Variants in SV2C observed in about 807,000 individuals in gnomAD.
The protein encoded by SV2C is synaptic vesicle glycoprotein 2C.
In SV2C, 49 loss-of-function variants were observed where a neutral mutation model predicts 79.7. That is an observed-to-expected ratio of 0.61 (90% CI 0.49 to 0.78). The LOEUF (loss-of-function observed/expected upper bound fraction) is 0.78. Among genes scored for constraint, SV2C ranks in the 30% least tolerant of loss-of-function variants. The pLI is 0.00. For missense variants in SV2C, 833 were observed against 912.9 expected (o/e 0.91, Z 1.13); for synonymous variants, 334 against 333.2 (o/e 1.00, Z -0.03).
At chr5:76,178,152 TATGGTAGAC>T (rs1743600260) in intron 2 of SV2C, among the ~76,000 whole-genome samples, 1 of 152,232 alleles carries the variant, frequency 6.6e-6, no homozygotes, top group South Asian at 2.1e-4. Context: ...AAGCAAGTGC[TATGGTAGAC>T]AAGGTGGAAA....
At chr5:75,963,320 G>T in the SV2C span, among the ~76,000 whole-genome samples, 66 of 152,150 alleles carry the variant, frequency 4.3e-4, no homozygotes, top group East Asian at 0.012. Context: ...CACTCACAAC[G>T]AATTCCTTAG....
At chr5:75,907,758 C>T in the SV2C span, among the ~76,000 whole-genome samples, 2 of 152,158 alleles carry the variant, frequency 1.3e-5, no homozygotes, top group African/African-American at 4.8e-5. Flanking sequence ...TTTTGTCTCT[C>T]TAATCTGATT....
intron 12 of SV2C, among the ~76,000 whole-genome samples, chr5:76,308,690 C>G (rs1156412950): frequency 6.6e-6 from 1 of 152,050 alleles, no homozygotes; most frequent in Admixed American, 6.6e-5. Context: ...ATCTATGGAG[C>G]AGAAGGCAAA....
intron 12 of SV2C, among the ~76,000 whole-genome samples, chr5:76,316,271 A>G (rs1306042467): frequency 6.6e-6 from 1 of 152,212 alleles, no homozygotes; most frequent in African/African-American, 2.4e-5. Context: ...TTTGTATATG[A>G]AACCCACATC....
chr5:76,013,289 T>A, the SV2C span, among the ~76,000 whole-genome samples: 2 of 152,282 alleles, frequency 1.3e-5, no homozygotes, highest in Admixed American at 1.3e-4. Flanking sequence ...CTTTGAGCGG[T>A]GGTTTGTAGT....
At chr5:75,881,120 A>T in the SV2C span, among the ~76,000 whole-genome samples, 1 of 152,126 alleles carries the variant, frequency 6.6e-6, no homozygotes, top group African/African-American at 2.4e-5. Flanking sequence ...TAAGCCATTC[A>T]TGAGGAATCT....
chr5:76,098,975 C>A (rs1747652002), intron 1 of SV2C, among the ~76,000 whole-genome samples: 1 of 152,192 alleles, frequency 6.6e-6, no homozygotes, highest in Non-Finnish European at 1.5e-5. Flanking sequence ...TAAAGGGATG[C>A]TTTGCAATGA....
the SV2C span, among the ~76,000 whole-genome samples, chr5:75,881,275 T>A: frequency 2.6e-5 from 4 of 152,292 alleles, no homozygotes; most frequent in East Asian, 7.7e-4. Context: ...AAATTAATAA[T>A]TTTGTCAGTA....
chr5:75,976,264 A>C, the SV2C span, among the ~76,000 whole-genome samples: 1 of 152,268 alleles, frequency 6.6e-6, no homozygotes, highest in East Asian at 1.9e-4. Context: ...TTCAGATTTC[A>C]TATTCATTCT....
At chr5:75,926,646 C>T in the SV2C span, among the ~76,000 whole-genome samples, 151 of 152,158 alleles carry the variant, frequency 9.9e-4, no homozygotes, top group African/African-American at 3.5e-3. Flanking sequence ...TTCTGATGAA[C>T]ATATAACCAG....
chr5:76,006,943 A>G, the SV2C span, among the ~76,000 whole-genome samples: 1 of 152,134 alleles, frequency 6.6e-6, no homozygotes, highest in African/African-American at 2.4e-5. Context: ...GTCATCATCA[A>G]CAACATGTAC....
chr5:76,112,125 A>G (rs1174950998), intron 1 of SV2C, among the ~76,000 whole-genome samples: 1 of 152,228 alleles, frequency 6.6e-6, no homozygotes, highest in Non-Finnish European at 1.5e-5. Context: ...ACAAAATAGG[A>G]AGAGTTCCTT....
rs752429794 is a variant in SV2C at position 76,301,408 on chromosome 5, G to A, written c.1863G>A (p.Gly621=). The change falls in exon 12 of 13, where the codon GGG becomes GGA. Residue 621 remains glycine, a synonymous_variant. Transcript: ENST00000502798. ...CAGGTGGCTCTATGGTGCTTTCGGG[G>A]ATCAGCTGTTTCTTCCTTTGGTTCG... ...TMLGGSMVLS[G]ISCFFLWFGT... 1.2e-6 allele frequency: 2 copies of A among 1,613,906 alleles called. No homozygotes were observed. The highest frequency in any genetic ancestry group is 2.7e-5 in the African/African-American group (2 of 74,900).
intron 1 of SV2C, among the ~76,000 whole-genome samples, chr5:76,096,320 T>C (rs1448738018): frequency 6.6e-6 from 1 of 152,200 alleles, no homozygotes; most frequent in African/African-American, 2.4e-5. Flanking sequence ...AATACTTGTA[T>C]TCTTTATGCT....
intron 12 of SV2C, among the ~76,000 whole-genome samples, chr5:76,349,130 AAAG>A (rs1749598816): frequency 6.6e-6 from 1 of 152,266 alleles, no homozygotes; most frequent in African/African-American, 2.4e-5. Flanking sequence ...CATCAATAAA[AAAG>A]AAGAATAGTA....
At chr5:76,312,868 T>C (rs1561312220) in intron 12 of SV2C, among the ~76,000 whole-genome samples, 1 of 152,222 alleles carries the variant, frequency 6.6e-6, no homozygotes, top group Non-Finnish European at 1.5e-5. Flanking sequence ...CCCAGTGCAG[T>C]GGGATTGGTC....
At chr5:76,096,765 T>A (rs1747576906) in intron 1 of SV2C, among the ~76,000 whole-genome samples, 1 of 152,142 alleles carries the variant, frequency 6.6e-6, no homozygotes, top group Non-Finnish European at 1.5e-5. Flanking sequence ...GCAAAGCAGA[T>A]TCCTAGGCCT....
At chr5:76,236,808 C>T (rs1266711872) in intron 4 of SV2C, among the ~76,000 whole-genome samples, 1 of 152,178 alleles carries the variant, frequency 6.6e-6, no homozygotes, top group Non-Finnish European at 1.5e-5. Context: ...TGGTTTGACT[C>T]TGTGTCCCCA....
Position 76,333,031 on chromosome 5 carries a change from G to A in SV2C, c.*7484G>A, listed in dbSNP as rs1749230503. Reference sequence around the variant, plus strand: ...TGGGTGTCATTCCTTCAGAAAGAATGTACAGTAAAATTGGCTATTTCATGC... The same window carrying A: ...TGGGTGTCATTCCTTCAGAAAGAATATACAGTAAAATTGGCTATTTCATGC... On this transcript the variant is annotated 3_prime_UTR_variant, in exon 13 of 13. Transcript: ENST00000502798. The A allele has an allele frequency of 6.6e-6, 1 of 152,200 alleles. No homozygotes were observed. The highest frequency in any genetic ancestry group is 6.5e-5 in the Admixed American group (1 of 15,280). 9.4% of individuals were successfully genotyped at this position (152,200 alleles called of 1,614,324 possible).
Sources: allele counts gnomAD v4.1 joint callset (sites outside exome capture counted in the v4.1 genomes callset), GRCh38; gene constraint gnomAD v4.1.1; transcripts MANE v1.5; gene names NCBI Gene and HGNC (gene_info 2026-07-23, HGNC 2026-07-21).